IFT122: variants seen among roughly 807,000 people sequenced by gnomAD.
The protein encoded by IFT122 is intraflagellar transport 122, also known as intraflagellar transport protein 122 homolog.
In IFT122, 118 loss-of-function variants were observed where a neutral mutation model predicts 161.6. The ratio of observed to expected loss-of-function variants is 0.73; its 90% CI spans 0.63 to 0.85. The LOEUF is 0.85. Ranked by LOEUF, IFT122 falls within the 40% of genes least tolerant of loss-of-function variation. The pLI is 0.00. For missense variants in IFT122, 1,381 were observed against 1,579.6 expected (o/e 0.87, Z 2.13); for synonymous variants, 550 against 602.4 (o/e 0.91, Z 1.27).
chr3:129,453,992 C>T (rs762490121), intron 3 of IFT122, among the ~76,000 whole-genome samples: 6 of 152,100 alleles, frequency 3.9e-5, no homozygotes, highest in Non-Finnish European at 7.3e-5. Flanking sequence ...CATTCTGTAG[C>T]CACTGCCAAG....
intron 18 of IFT122, among the ~76,000 whole-genome samples, 175 bp downstream of exon 18, chr3:129,495,782 C>T (rs533059616): frequency 1.1e-3 from 168 of 152,326 alleles, no homozygotes; most frequent in African/African-American, 3.2e-3. Context: ...GGTTGAAACT[C>T]ACCTAAAACT....
chr3:129,518,959 C>G (rs2084376416), intron 27 of IFT122, 148 bp from the exon 28 acceptor site: 1 of 750,588 alleles, frequency 1.3e-6, no homozygotes. Context: ...CCTTCTGATT[C>G]CTTGGCCTGA....
intron 7 of IFT122, among the ~76,000 whole-genome samples, chr3:129,465,102 T>C (rs2076575351): frequency 6.8e-6 from 1 of 146,540 alleles, no homozygotes; most frequent in Admixed American, 6.9e-5. Context: ...TGTGTACGTG[T>C]ACATGTATAT....
intron 27 of IFT122, 35 bp from the exon 28 acceptor site, chr3:129,519,072 T>C: frequency 6.3e-7 from 1 of 1,584,062 alleles, no homozygotes; most frequent in Non-Finnish European, 8.7e-7. Flanking sequence ...TCTCCATCTC[T>C]GCTTCTGATT....
At chr3:129,493,696 G>A (rs2080437873) in intron 17 of IFT122, among the ~76,000 whole-genome samples, 1 of 152,186 alleles carries the variant, frequency 6.6e-6, no homozygotes, top group South Asian at 2.1e-4. Flanking sequence ...GGGCTTGTTC[G>A]GAGCTATTGC....
At chr3:129,454,140 A>C (rs2075169067) in intron 3 of IFT122, among the ~76,000 whole-genome samples, 1 of 152,156 alleles carries the variant, frequency 6.6e-6, no homozygotes, top group Admixed American at 6.5e-5. Flanking sequence ...GAAAGATGCA[A>C]ATTCTTCATG....
intron 20 of IFT122, 141 bp from the exon 21 acceptor site, chr3:129,504,178 G>GT (rs2081945300): frequency 2.8e-6 from 2 of 711,232 alleles, no homozygotes; most frequent in East Asian, 5.1e-5. Flanking sequence ...TCTGTGGGTA[G>GT]TTTTTTGGGG....
Position 129,440,326 on chromosome 3 carries a change from C to G in IFT122, c.-5C>G, listed in dbSNP as rs569352757. Reference sequence around the variant, plus strand: ...GGAGGAGCCCGAGCCGTAAGGGAAGCCGTGATGAGGGCCGTGTTGACGTGG... The same window carrying G: ...GGAGGAGCCCGAGCCGTAAGGGAAGGCGTGATGAGGGCCGTGTTGACGTGG... On this transcript the variant is annotated 5_prime_UTR_variant, in exon 1 of 30. Transcript: ENST00000348417. 2.1e-5 allele frequency: 32 copies of G among 1,550,782 alleles called. No individual in the cohort carries two copies. Among genetic ancestry groups the G allele is most frequent in the Non-Finnish European group, 2.8e-5 (32 of 1,146,838 alleles).
At chr3:129,481,346 C>G (rs2078615591) in intron 13 of IFT122, 184 bp from the exon 14 acceptor site, 2 of 640,388 alleles carry the variant, frequency 3.1e-6, no homozygotes, top group Admixed American at 2.2e-5. Flanking sequence ...TTCTGGCCTC[C>G]TAAGGATAAG....
At chr3:129,477,536 G>T (rs1185290801) in intron 11 of IFT122, among the ~76,000 whole-genome samples, 2 of 152,008 alleles carry the variant, frequency 1.3e-5, no homozygotes, top group Non-Finnish European at 2.9e-5. Flanking sequence ...GGTGGTTGGG[G>T]CAAAGCCCCT....
At chr3:129,485,774 G>A (rs1184215022) in intron 15 of IFT122, among the ~76,000 whole-genome samples, 1 of 152,260 alleles carries the variant, frequency 6.6e-6, no homozygotes, top group Non-Finnish European at 1.5e-5. Context: ...TTAAGATTCA[G>A]CAGCAAAGTC....
intron 23 of IFT122, among the ~76,000 whole-genome samples, chr3:129,510,140 A>C (rs79893300): frequency 0.02 from 2,984 of 152,218 alleles, 108 homozygotes; most frequent in African/African-American, 0.069. Flanking sequence ...AGCTCATGGC[A>C]GCCTCAAACT....
rs199608976 is a variant in IFT122, at chr3:129,514,381, C to A, written c.2988-8C>A. ...TGCCCCTGCTGTCCTTAACCCTGTT[C>A]ACGGCAGGAAAATACTCTTCACCTT... is the stretch of plus-strand genomic sequence containing the variant. On this transcript the variant is annotated splice_region_variant and splice_polypyrimidine_tract_variant and intron_variant, in intron 24 of 29. Transcript: ENST00000348417. 1 of 1,613,946 alleles carries A rather than the reference C, an allele frequency of 6.2e-7. No individual in the cohort carries two copies. The highest frequency in any genetic ancestry group is 1.3e-5 in the African/African-American group (1 of 74,910).
In IFT122 at chr3:129,479,836, C is replaced by T. The variant is rs761794933; in HGVS notation, c.1402C>T (p.Gln468Ter). ...CAGCGGAGTGAAGGAGCGGGAGTGGCAGATGGAGTCTCTCATTCGTTACAT... is the reference window on the plus strand; with the variant it reads ...CAGCGGAGTGAAGGAGCGGGAGTGGTAGATGGAGTCTCTCATTCGTTACAT... ...SFSGVKEREWQMESLIRYIKV... is the reference protein window; with the variant it reads ...SFSGVKEREW The change falls in exon 13 of 30, where the codon CAG becomes TAG. Residue 468 changes from glutamine (Q) to a stop codon, truncating the protein, a stop_gained. Transcript: ENST00000348417. LOFTEE classifies it high-confidence loss of function. 2 of 1,614,014 alleles carry T rather than the reference C, an allele frequency of 1.2e-6. No homozygotes were observed. Among genetic ancestry groups the T allele is most frequent in the Admixed American group, 3.3e-5 (2 of 60,022 alleles).
chr3:129,512,565 T>C (rs2108631640), intron 24 of IFT122, 153 bp downstream of exon 24: 1 of 713,032 alleles, frequency 1.4e-6, no homozygotes, highest in African/African-American at 1.7e-5. Context: ...TGTTTGGCTA[T>C]AGAGGCTCAG....
intron 16 of IFT122, 54 bp from the exon 17 acceptor site, chr3:129,492,087 C>T: frequency 7.2e-7 from 1 of 1,386,868 alleles, no homozygotes; most frequent in Non-Finnish European, 1.0e-6. Flanking sequence ...AGCCAATCAC[C>T]CACTTTTGAA....
chr3:129,519,658 C>T lies in IFT122; in HGVS notation c.3562C>T (p.Pro1188Ser), dbSNP rs778941928. The T allele has an allele frequency of 1.2e-6, 2 of 1,613,784 alleles. No homozygotes were observed. The highest frequency in any genetic ancestry group is 2.2e-5 in the South Asian group (2 of 91,088). ...GGATGTCCTCATCAAGCGATGGCCCCCACCCCTGAGGTGGCAATACTTCCG... is the reference window on the plus strand; with the variant it reads ...GGATGTCCTCATCAAGCGATGGCCCTCACCCCTGAGGTGGCAATACTTCCG... ...RRDVLIKRWPPPLRWQYFRSL... is the reference protein window; with the variant it reads ...RRDVLIKRWPSPLRWQYFRSL... Residue 1188 changes from proline (P) to serine (S), a missense_variant, in exon 29 of 30, where the codon CCA becomes TCA. Transcript: ENST00000348417.
In IFT122 at chr3:129,466,906, T is replaced by C; in HGVS notation, c.580T>C (p.Trp194Arg). The change falls in exon 8 of 30, where the codon TGG (tryptophan) becomes CGG (arginine). Residue 194 changes from tryptophan to arginine, a missense_variant. This residue lies in a region of IFT122 where 544 missense variants were observed against 648.0 expected (regional missense o/e 0.84). Coordinates refer to ENST00000348417, the MANE Select transcript of IFT122 (RefSeq NM_052989.3). ...TGTCTACAGCCGATGGGAGAGTTTC[T>C]GGATGAACAGAGAGAATGAGGATGC... ...WNPSSRWESF[W>R]MNRENEDAED... The C allele has an allele frequency of 6.2e-7, 1 of 1,614,196 alleles. No individual in the cohort carries two copies. Among genetic ancestry groups the C allele is most frequent in the Non-Finnish European group, 8.5e-7 (1 of 1,179,974 alleles).
chr3:129,472,720 C>G (rs1177201373), intron 9 of IFT122, among the ~76,000 whole-genome samples: 1 of 148,960 alleles, frequency 6.7e-6, no homozygotes, highest in African/African-American at 2.5e-5. Flanking sequence ...TACATTAGAC[C>G]TTTTGTTACT....
Sources: allele counts gnomAD v4.1 joint callset (sites outside exome capture counted in the v4.1 genomes callset), GRCh38; gene constraint gnomAD v4.1.1; regional missense constraint gnomAD v4.1.1; transcripts MANE v1.5; gene names NCBI Gene and HGNC (gene_info 2026-07-23, HGNC 2026-07-21).